CCDC39: variants seen among roughly 807,000 people sequenced by gnomAD.
CCDC39 encodes the protein coiled-coil domain-containing protein 39.
CCDC39 carries 113 observed loss-of-function variants against 121.0 expected under a neutral mutation model. The ratio of observed to expected loss-of-function variants is 0.93; its 90% confidence interval spans 0.80 to 1.09. The LOEUF is 1.09. Ranked by LOEUF, CCDC39 falls within the 50% of genes least tolerant of loss-of-function variation. The pLI is 0.00. For synonymous variants in CCDC39, 349 were observed against 352.2 expected, an observed-to-expected ratio of 0.99 and a Z score of 0.10; for missense variants, 1,063 against 1,074.7, an observed-to-expected ratio of 0.99 and a Z score of 0.15.
intron 1 of CCDC39, among the ~76,000 whole-genome samples, chr3:180,678,712 G>A (rs13083968): frequency 0.3 from 45,270 of 151,366 alleles, 8,467 homozygotes; most frequent in African/African-American, 0.53. Context: ...GTTCGTCCTT[G>A]CAACGTAAAA....
chr3:180,656,492 T>C (rs1711583547), intron 6 of CCDC39, among the ~76,000 whole-genome samples: 1 of 152,146 alleles, frequency 6.6e-6, no homozygotes, highest in South Asian at 2.1e-4. Context: ...AACAAAAGAG[T>C]ATAATATCAG....
At chr3:180,654,123 T>C (rs944298602) in intron 7 of CCDC39, among the ~76,000 whole-genome samples, 23 of 141,688 alleles carry the variant, frequency 1.6e-4, no homozygotes, top group Non-Finnish European at 3.3e-4. Flanking sequence ...CCCATGCATA[T>C]ATGATCAACT....
intron 14 of CCDC39, among the ~76,000 whole-genome samples, chr3:180,622,302 A>AT (rs144079804): frequency 3.3e-5 from 5 of 151,792 alleles, no homozygotes; most frequent in African/African-American, 4.8e-5. Context: ...CCAATCTAAG[A>AT]TTTTTTTTGG....
At chr3:180,617,928 G>A (rs1166010321) in intron 16 of CCDC39, 1 of 154,260 alleles carries the variant, frequency 6.5e-6, no homozygotes, top group Non-Finnish European at 1.4e-5. Flanking sequence ...ACCCAGAGCA[G>A]CTTCCAGTCC....
At position 180,619,907 on chromosome 3, in the gene CCDC39, C is replaced by G; in HGVS notation, c.2062G>C (p.Ala688Pro). 1 of 1,609,888 alleles carries G rather than the reference C, an allele frequency of 6.2e-7. No homozygotes were observed. The highest frequency in any genetic ancestry group is 8.5e-7 in the Non-Finnish European group (1 of 1,178,052). The change falls in exon 15 of 20, where the codon GCT (alanine) becomes CCT (proline). Residue 688 changes from alanine to proline, a missense_variant. Transcript: ENST00000476379. ...GDCLDAKINK[A>P]EKEIYALENT... ...TCTAGAGCGTAGATTTCTTTTTCAG[C>G]TTTGTTGATCTTGGCATCCAAACAG...
intron 3 of CCDC39, 126 bp downstream of exon 3, chr3:180,661,735 T>C: frequency 1.3e-6 from 1 of 774,706 alleles, no homozygotes; most frequent in Non-Finnish European, 2.0e-6. Context: ...GTCCAAAAAA[T>C]ACGTAAGTAA....
chr3:180,630,142 T>G (rs1362757070), intron 14 of CCDC39, among the ~76,000 whole-genome samples: 1 of 152,176 alleles, frequency 6.6e-6, no homozygotes, highest in Non-Finnish European at 1.5e-5. Flanking sequence ...AAGGCACACT[T>G]AACACCAGTA....
chr3:180,642,272 T>C (rs2108418938), intron 12 of CCDC39, 71 bp from the exon 13 acceptor site: 3 of 892,800 alleles, frequency 3.4e-6, no homozygotes, highest in South Asian at 2.1e-5. Context: ...TTTTTATTGC[T>C]ATATAAGTAA....
chr3:180,674,519 A>G (rs1012263766), intron 1 of CCDC39, among the ~76,000 whole-genome samples: 9 of 152,162 alleles, frequency 5.9e-5, no homozygotes, highest in African/African-American at 2.2e-4. Context: ...CACTATGTTG[A>G]ATAGGAGTGG....
At chr3:180,677,032 A>G (rs1712230699) in intron 1 of CCDC39, among the ~76,000 whole-genome samples, 1 of 150,450 alleles carries the variant, frequency 6.6e-6, no homozygotes, top group Non-Finnish European at 1.5e-5. Flanking sequence ...GCATTAGGAG[A>G]TATACCTAAT....
At chr3:180,639,757 C>A (rs1301750521) in intron 13 of CCDC39, among the ~76,000 whole-genome samples, 1 of 151,858 alleles carries the variant, frequency 6.6e-6, no homozygotes, top group Non-Finnish European at 1.5e-5. Context: ...CTAAAAACCA[C>A]CTGTTTCTCA....
chr3:180,637,749 T>TA (rs1717865523), intron 13 of CCDC39, among the ~76,000 whole-genome samples: 1 of 152,080 alleles, frequency 6.6e-6, no homozygotes, highest in Non-Finnish European at 1.5e-5. Flanking sequence ...AATGCAGCCA[T>TA]AAAAAAGAAT....
At chr3:180,633,604 T>G (rs1717754265) in intron 13 of CCDC39, among the ~76,000 whole-genome samples, 1 of 151,102 alleles carries the variant, frequency 6.6e-6, no homozygotes, top group African/African-American at 2.4e-5. Flanking sequence ...AAAGAATATC[T>G]GAGAAAGTAA....
At chr3:180,628,580 A>G (rs971271246) in intron 14 of CCDC39, among the ~76,000 whole-genome samples, 1 of 152,206 alleles carries the variant, frequency 6.6e-6, no homozygotes, top group Non-Finnish European at 1.5e-5. Context: ...AAACTAATAA[A>G]AAGGGTCAAC....
At chr3:180,626,414 C>T (rs780287978) in intron 14 of CCDC39, among the ~76,000 whole-genome samples, 1 of 152,016 alleles carries the variant, frequency 6.6e-6, no homozygotes, top group Non-Finnish European at 1.5e-5. Flanking sequence ...TGGCAGAATA[C>T]TCAGATATGG....
chr3:180,614,852 G>T lies in CCDC39; in HGVS notation c.*69C>A. 7.2e-7 allele frequency: 1 copy of T among 1,382,232 alleles called. No individual in the cohort carries two copies. Among genetic ancestry groups the T allele is most frequent in the Non-Finnish European group, 9.9e-7 (1 of 1,014,006 alleles). The allele number at this position is 1,382,232 out of a possible 1,614,324, so 85.6% of individuals were successfully genotyped here. On this transcript the variant is annotated 3_prime_UTR_variant, in exon 20 of 20. Coordinates refer to ENST00000476379, the MANE Select transcript of CCDC39 (RefSeq NM_181426.2). ...ACTTTCCACTAGATAAAATGTGTTG[G>T]GTCGTTTTGTATTTTAAAGTATATT...
chr3:180,623,831 AT>A (rs569893967), intron 14 of CCDC39, among the ~76,000 whole-genome samples: 1 of 146,340 alleles, frequency 6.8e-6, no homozygotes. Context: ...TTTTTTTTTT[AT>A]TTTTTTTGAG....
rs183413880 is a variant in CCDC39 at position 180,651,495 on chromosome 3, G to A, written c.1073C>T (p.Thr358Ile). ...KTKNHNEIIQTKLKEITEKTM... is the reference protein window; with the variant it reads ...KTKNHNEIIQIKLKEITEKTM... ...TTTCTCAGTTATCTCCTTTAATTTT[G>A]TTTGTATTATCTCATTATGATTTTT... Residue 358 changes from threonine (T) to isoleucine (I), a missense_variant, in exon 9 of 20, where the codon ACA becomes ATA. Coordinates refer to ENST00000476379, the MANE Select transcript of CCDC39 (RefSeq NM_181426.2). 7,627 of 1,539,912 alleles carry A rather than the reference G, an allele frequency of 5.0e-3. 28 individuals carry two copies. The highest frequency in any genetic ancestry group is 9.9e-3 in the Middle Eastern group (59 of 5,970).
At chr3:180,647,368 A>T (rs1401636979) in intron 10 of CCDC39, 125 bp from the exon 11 acceptor site, 1 of 758,106 alleles carries the variant, frequency 1.3e-6, no homozygotes. Context: ...AAGTCACTTT[A>T]GTCTTTCAGT....
Sources: gnomAD v4.1 joint callset for allele counts (sites outside exome capture counted in the v4.1 genomes callset) on GRCh38, gnomAD v4.1.1 for gene constraint, MANE v1.5 for transcripts, NCBI Gene and HGNC (gene_info 2026-07-23, HGNC 2026-07-21) for gene names.